The following FAAH2 variants were observed in gnomAD, a reference collection of about 807,000 sequenced individuals.
FAAH2 encodes the protein fatty-acid amide hydrolase 2.
In FAAH2, 60 loss-of-function variants were observed where a neutral mutation model predicts 36.9. The ratio of observed to expected loss-of-function variants is 1.63; its 90% CI spans 1.32 to 2.02. The LOEUF is 2.02. Ranked by LOEUF, FAAH2 falls within the 30% of genes most tolerant of loss-of-function variation. The pLI, the probability that FAAH2 is intolerant of heterozygous loss-of-function variation, is 0.00. For missense variants in FAAH2, 689 were observed against 397.5 expected (o/e 1.73, Z -6.23); for synonymous variants, 214 against 143.8 (o/e 1.49, Z -3.49).
chrX:57,346,539 G>C, intron 5 of FAAH2, among the ~76,000 whole-genome samples: 1 of 112,071 alleles, frequency 8.9e-6, no homozygotes, highest in Middle Eastern at 4.6e-3. Flanking sequence ...TCCTTGAAGA[G>C]AGCAGATGGT....
chrX:57,465,524 C>G (rs746339843), intron 10 of FAAH2, among the ~76,000 whole-genome samples: 31 of 111,686 alleles, frequency 2.8e-4, no homozygotes, highest in African/African-American at 9.4e-4. Flanking sequence ...AGCCAGAAAA[C>G]AGTGAGATGA....
At chrX:57,315,247 A>C (rs1399206612) in intron 3 of FAAH2, among the ~76,000 whole-genome samples, 2 of 111,445 alleles carry the variant, frequency 1.8e-5, no homozygotes, top group Admixed American at 1.9e-4. Context: ...TTGAGCTGTG[A>C]GATGGAATCG....
chrX:57,448,834 G>A, intron 10 of FAAH2, 116 bp downstream of exon 10: 5 of 701,328 alleles, frequency 7.1e-6, no homozygotes, highest in Non-Finnish European at 1.1e-5. Flanking sequence ...AGGTATAAAA[G>A]TGCTGTGTGA....
chrX:57,325,101 T>C (rs2053170900), intron 3 of FAAH2, among the ~76,000 whole-genome samples: 1 of 112,254 alleles, frequency 8.9e-6, no homozygotes, highest in Non-Finnish European at 1.9e-5. Flanking sequence ...GATAATCAAA[T>C]GGTTTTTGTT....
intron 7 of FAAH2, among the ~76,000 whole-genome samples, chrX:57,397,996 C>A (rs1176742936): frequency 9.0e-6 from 1 of 110,932 alleles, no homozygotes; most frequent in Admixed American, 9.6e-5. Context: ...ATAATGGTTT[C>A]CAGCTTTATC....
chrX:57,229,204 G>A, the FAAH2 span: 1 of 112,126 alleles, frequency 8.9e-6, no homozygotes, highest in East Asian at 2.8e-4. Context: ...TTGGACTATC[G>A]CTCATCTAAA....
At position 57,489,039 on chromosome X, in the gene FAAH2, G is replaced by T; in HGVS notation, c.*107G>T. 1.2e-6 allele frequency: 1 copy of T among 812,035 alleles called. No homozygotes were observed. Among genetic ancestry groups the T allele is most frequent in the Non-Finnish European group, 1.7e-6 (1 of 590,800 alleles). The allele number at this position is 812,035 out of a possible 1,213,427, so 66.9% of individuals were successfully genotyped here. On this transcript the variant is annotated 3_prime_UTR_variant, in exon 11 of 11. Transcript: ENST00000374900. ...CAGCAGACAAGCAGAGAAACAACTG[G>T]GGAATTTATTGACTCATTTAGTTAT...
chrX:57,440,771 G>A (rs748057342), intron 8 of FAAH2, among the ~76,000 whole-genome samples: 1 of 111,469 alleles, frequency 9.0e-6, no homozygotes, highest in South Asian at 3.8e-4. Context: ...TTTGAGACAC[G>A]TGCCATCAAT....
chrX:57,142,649 T>C, the FAAH2 span, among the ~76,000 whole-genome samples: 1 of 111,450 alleles, frequency 9.0e-6, no homozygotes, highest in Non-Finnish European at 1.9e-5. Flanking sequence ...TTAAGTCTGA[T>C]ATTTCTTTGT....
the FAAH2 span, among the ~76,000 whole-genome samples, chrX:57,265,606 C>T: frequency 9.0e-6 from 1 of 111,296 alleles, no homozygotes; most frequent in African/African-American, 3.3e-5. Context: ...GTCTCAAATC[C>T]CCTTTCTCAT....
the FAAH2 span, among the ~76,000 whole-genome samples, chrX:57,250,092 A>G: frequency 8.9e-6 from 1 of 112,308 alleles, no homozygotes; most frequent in Non-Finnish European, 1.9e-5. Context: ...TGGCATTTAA[A>G]AATTTATTTT....
chrX:57,242,153 C>G, the FAAH2 span, among the ~76,000 whole-genome samples: 1 of 112,418 alleles, frequency 8.9e-6, no homozygotes, highest in Non-Finnish European at 1.9e-5. Flanking sequence ...CCCCGTGCCT[C>G]CCGACTGGGA....
chrX:57,424,286 G>A (rs977378227), intron 7 of FAAH2, among the ~76,000 whole-genome samples: 2 of 112,087 alleles, frequency 1.8e-5, no homozygotes, highest in Non-Finnish European at 3.8e-5. Flanking sequence ...CTGGGGCTGA[G>A]CATAGAACCC....
chrX:57,193,691 A>T, the FAAH2 span, among the ~76,000 whole-genome samples: 1 of 111,774 alleles, frequency 8.9e-6, no homozygotes, highest in Non-Finnish European at 1.9e-5. Context: ...AATAGAAAAG[A>T]ACCTATGTGA....
chrX:57,145,448 C>T, the FAAH2 span, among the ~76,000 whole-genome samples: 1 of 111,228 alleles, frequency 9.0e-6, no homozygotes, highest in African/African-American at 3.3e-5. Context: ...CAGGAGATTC[C>T]GGATATTAGT....
intron 10 of FAAH2, among the ~76,000 whole-genome samples, chrX:57,469,174 G>A: frequency 8.9e-6 from 1 of 112,028 alleles, no homozygotes; most frequent in South Asian, 3.8e-4. Context: ...TCAAAGCTAG[G>A]AAGAAACTGC....
intron 2 of FAAH2, among the ~76,000 whole-genome samples, chrX:57,302,663 T>C (rs1421083441): frequency 9.0e-6 from 1 of 111,097 alleles, no homozygotes; most frequent in East Asian, 2.8e-4. Context: ...AGGGGTAGAA[T>C]CCTCCTTGGA....
the FAAH2 span, among the ~76,000 whole-genome samples, chrX:57,278,517 T>C: frequency 9.0e-6 from 1 of 111,277 alleles, no homozygotes; most frequent in African/African-American, 3.3e-5. Flanking sequence ...GATAGAGACA[T>C]GGGCAAGGAC....
At chrX:57,374,707 T>G (rs895228745) in intron 5 of FAAH2, among the ~76,000 whole-genome samples, 7 of 111,672 alleles carry the variant, frequency 6.3e-5, no homozygotes, top group Non-Finnish European at 1.3e-4. Context: ...TATTTCCACC[T>G]TTTGTCTGAT....
Sources: gnomAD v4.1 joint callset for allele counts (sites outside exome capture counted in the v4.1 genomes callset) on GRCh38, gnomAD v4.1.1 for gene constraint, MANE v1.5 for transcripts, NCBI Gene and HGNC (gene_info 2026-07-23, HGNC 2026-07-21) for gene names.